SEC23B: variants seen among roughly 807,000 people sequenced by gnomAD.
SEC23B encodes SEC23 homolog B, COPII component.
A neutral mutation model predicts 104.3 loss-of-function variants in SEC23B; 77 were observed. The observed-to-expected ratio is 0.74, with a 90% CI of 0.61 to 0.89. The LOEUF (loss-of-function observed/expected upper bound fraction) is 0.89, where lower values mean the gene tolerates loss of function less well. Ranked by LOEUF, SEC23B falls within the 40% of genes least tolerant of loss-of-function variation. The pLI is 0.00. For missense variants in SEC23B, 885 were observed against 949.4 expected, an observed-to-expected ratio of 0.93 and a Z score of 0.89; for synonymous variants, 338 against 332.5, an observed-to-expected ratio of 1.02 and a Z score of -0.18.
Position 18,515,468 on chromosome 20 carries a change from G to A in SEC23B, c.280-182G>A, listed in dbSNP as rs115607403. Among the ~76,000 whole-genome samples the A allele has an allele frequency of 3.5e-3, 536 of 152,148 alleles. 2 individuals are homozygous for A. Among genetic ancestry groups the A allele is most frequent in the African/African-American group, 0.012 (500 of 41,508 alleles). On this transcript the variant is annotated intron_variant, in intron 3 of 19. Transcript: ENST00000650089. ...TGGGACTACAGGTGTGAGCCACCACGCCCAACTAATGTTTTTACTTCTTGT... is the reference window on the plus strand; with the variant it reads ...TGGGACTACAGGTGTGAGCCACCACACCCAACTAATGTTTTTACTTCTTGT...
chr20:18,512,390 C>G (rs891030028), intron 3 of SEC23B, 108 bp downstream of exon 3: 1 of 696,742 alleles, frequency 1.4e-6, no homozygotes, highest in Admixed American at 2.2e-5. Flanking sequence ...GCAGTTTCTG[C>G]TGAACTCAGG....
chr20:18,522,136 G>T (rs1468488100), intron 4 of SEC23B, among the ~76,000 whole-genome samples: 1 of 152,206 alleles, frequency 6.6e-6, no homozygotes, highest in Non-Finnish European at 1.5e-5. Flanking sequence ...AGTTTAAAGA[G>T]AAGGGTAGAG....
intron 19 of SEC23B, 96 bp from the exon 20 acceptor site, chr20:18,560,555 C>T (rs112766815): frequency 2.2e-5 from 20 of 929,818 alleles, no homozygotes; most frequent in African/African-American, 1.4e-4. Context: ...GAGGGGACAA[C>T]ACCTGTGAAT....
rs1205087986 is a variant in SEC23B, at chr20:18,524,600, A to G, written c.534A>G (p.Leu178=). The G allele has an allele frequency of 6.2e-7, 1 of 1,614,218 alleles. No homozygotes were observed. Among genetic ancestry groups the G allele is most frequent in the Non-Finnish European group, 8.5e-7 (1 of 1,180,038 alleles). ...GAAGGATGGTGCAGGTTCATGAGCT[A>G]AGCTGTGAAGGAATCTCCAAAAGTT... is the stretch of plus-strand genomic sequence containing the variant. ...TFGRMVQVHE[L]SCEGISKSYV... Residue 178 remains leucine, a synonymous_variant, in exon 5 of 20, where the codon CTA becomes CTG. Transcript: ENST00000650089.
chr20:18,554,822 G>A (rs1192049993), intron 18 of SEC23B, among the ~76,000 whole-genome samples: 65 of 79,940 alleles, frequency 8.1e-4, no homozygotes, highest in African/African-American at 2.1e-3. Context: ...GTGAGACTCC[G>A]TCTCAAAAAA....
At chr20:18,544,734 A>C (rs2060317334) in intron 14 of SEC23B, among the ~76,000 whole-genome samples, 1 of 152,200 alleles carries the variant, frequency 6.6e-6, no homozygotes, top group African/African-American at 2.4e-5. Context: ...TTGCAGAGAG[A>C]AAAGGCTATT....
intron 12 of SEC23B, among the ~76,000 whole-genome samples, chr20:18,539,833 C>T (rs1159328664): frequency 1.3e-5 from 2 of 151,474 alleles, no homozygotes. Context: ...TTAGTAGAGA[C>T]GGGGTTTCAC....
At chr20:18,553,992 A>T (rs2060411510) in intron 17 of SEC23B, among the ~76,000 whole-genome samples, 1 of 152,200 alleles carries the variant, frequency 6.6e-6, no homozygotes. Flanking sequence ...ACTAGTTGAT[A>T]TAGAAGAGAG....
chr20:18,521,126 T>A lies in SEC23B; in HGVS notation c.367-3307T>A, dbSNP rs1317403036. Among the ~76,000 whole-genome samples, 22 of 152,250 alleles carry A rather than the reference T, an allele frequency of 1.4e-4. No homozygotes were observed. In the East Asian group the frequency reaches 3.9e-3, roughly 27 times the overall value. On this transcript the variant is annotated intron_variant, in intron 4 of 19. Transcript: ENST00000650089. ...GCGGTTTAGGCGTTTGGAGTTCTTG[T>A]GTGCTGGAGATGTGGCTGGGGTTTG...
At chr20:18,556,387 A>C (rs1406168810) in intron 19 of SEC23B, among the ~76,000 whole-genome samples, 1 of 152,214 alleles carries the variant, frequency 6.6e-6, no homozygotes, top group Non-Finnish European at 1.5e-5. Flanking sequence ...CCATTCCCCC[A>C]CAGATACTGA....
chr20:18,536,348 T>C (rs1003123933), intron 12 of SEC23B, among the ~76,000 whole-genome samples: 4 of 152,242 alleles, frequency 2.6e-5, no homozygotes, highest in Admixed American at 2.6e-4. Context: ...AAAAATACTT[T>C]ACAGTTGACC....
intron 14 of SEC23B, among the ~76,000 whole-genome samples, chr20:18,545,629 G>T (rs776477533): frequency 3.9e-5 from 6 of 152,218 alleles, no homozygotes; most frequent in Admixed American, 6.5e-5. Context: ...AGTTTTCATG[G>T]TGTTAGAGGG....
Position 18,560,750 on chromosome 20 carries a change from A to G in SEC23B, c.*10A>G. 1.9e-6 allele frequency: 3 copies of G among 1,599,926 alleles called. No individual in the cohort carries two copies. The highest frequency in any genetic ancestry group is 2.6e-6 in the Non-Finnish European group (3 of 1,170,040). Reference sequence around the variant, plus strand: ...CTCCAGTGCCTGTTAAGCTGAGGATACAACCAGGAAATGCAACGGTGTCAG... The same window carrying G: ...CTCCAGTGCCTGTTAAGCTGAGGATGCAACCAGGAAATGCAACGGTGTCAG... On this transcript the variant is annotated 3_prime_UTR_variant, in exon 20 of 20. Coordinates refer to ENST00000650089, the MANE Select transcript of SEC23B (RefSeq NM_006363.6).
At chr20:18,526,629 G>C in intron 8 of SEC23B, 98 bp downstream of exon 8, 2 of 1,266,292 alleles carry the variant, frequency 1.6e-6, no homozygotes, top group South Asian at 1.2e-5. Flanking sequence ...ATGTGTCATG[G>C]TCAGCAAGAC....
intron 6 of SEC23B, among the ~76,000 whole-genome samples, chr20:18,525,428 T>C (rs1021209345): frequency 1.3e-5 from 2 of 152,192 alleles, no homozygotes; most frequent in African/African-American, 4.8e-5. Flanking sequence ...CAGATTAGAA[T>C]GATGAGGAAT....
At chr20:18,553,009 A>G (rs1032761087) in intron 17 of SEC23B, among the ~76,000 whole-genome samples, 6 of 152,200 alleles carry the variant, frequency 3.9e-5, no homozygotes, top group African/African-American at 7.2e-5. Flanking sequence ...CTTGGAACCA[A>G]TCTCACAGAT....
At chr20:18,537,955 A>G (rs1219735844) in intron 12 of SEC23B, among the ~76,000 whole-genome samples, 1 of 151,356 alleles carries the variant, frequency 6.6e-6, no homozygotes, top group East Asian at 1.9e-4. Context: ...TTTTTTTTTA[A>G]TTAAGACAAA....
intron 15 of SEC23B, among the ~76,000 whole-genome samples, chr20:18,547,208 G>A (rs956416731): frequency 1.3e-5 from 2 of 152,136 alleles, no homozygotes; most frequent in African/African-American, 2.4e-5. Context: ...GAGTCCAGCT[G>A]TGACACTCAG....
chr20:18,518,582 GTTTTTTTT>G lies in SEC23B; in HGVS notation c.366+2862_366+2869del, dbSNP rs57231166. Among the ~76,000 whole-genome samples, 108 of 92,666 alleles carry G rather than the reference GTTTTTTTT, an allele frequency of 1.2e-3. 1 individual carries two copies. Among genetic ancestry groups the G allele is most frequent in the Non-Finnish European group, 1.4e-3 (72 of 50,910 alleles). 60.8% of individuals were successfully genotyped at this position (92,666 alleles called of 152,430 possible). On this transcript the variant is annotated intron_variant, in intron 4 of 19. Coordinates refer to ENST00000650089, the MANE Select transcript of SEC23B (RefSeq NM_006363.6). ...AATGGGCCTGTGAGGCTGGAAGGAGGTTTTTTTTTTTTTTTTTTTTTTTGTCTAAGAAC... is the reference window on the plus strand; with the variant it reads ...AATGGGCCTGTGAGGCTGGAAGGAGGTTTTTTTTTTTTTTTGTCTAAGAAC...
Sources: gnomAD v4.1 joint callset for allele counts (sites outside exome capture counted in the v4.1 genomes callset) on GRCh38, gnomAD v4.1.1 for gene constraint, MANE v1.5 for transcripts, NCBI Gene and HGNC (gene_info 2026-07-23, HGNC 2026-07-21) for gene names.